The following SV2C variants were observed in gnomAD, a reference collection of about 807,000 sequenced individuals.
The protein encoded by SV2C is synaptic vesicle glycoprotein 2C.
A neutral mutation model predicts 79.7 loss-of-function variants in SV2C; 49 were observed. The ratio of observed to expected loss-of-function variants is 0.61; its 90% CI spans 0.49 to 0.78. The LOEUF is 0.78. Among genes scored for constraint, SV2C ranks in the 30% least tolerant of loss-of-function variants. SV2C has a pLI of 0.00. For synonymous variants in SV2C, 334 were observed against 333.2 expected (o/e 1.00, Z -0.03); for missense variants, 833 against 912.9 (o/e 0.91, Z 1.13).
chr5:75,998,159 G>A, the SV2C span, among the ~76,000 whole-genome samples: 31 of 152,132 alleles, frequency 2.0e-4, no homozygotes, highest in African/African-American at 7.5e-4. Flanking sequence ...CATGGACACA[G>A]GAAGGGGAAC....
chr5:75,863,509 T>C, the SV2C span, among the ~76,000 whole-genome samples: 1 of 152,212 alleles, frequency 6.6e-6, no homozygotes, highest in South Asian at 2.1e-4. Flanking sequence ...TAGAGGTAAA[T>C]ATCTTGTTAC....
At chr5:76,257,167 T>C (rs1561286140) in intron 4 of SV2C, among the ~76,000 whole-genome samples, 1 of 152,226 alleles carries the variant, frequency 6.6e-6, no homozygotes, top group Non-Finnish European at 1.5e-5. Flanking sequence ...TTATTAATCT[T>C]ATTAATTAAC....
intron 3 of SV2C, among the ~76,000 whole-genome samples, chr5:76,196,130 T>C (rs889829974): frequency 9.9e-5 from 15 of 152,186 alleles, no homozygotes; most frequent in Non-Finnish European, 4.4e-5. Flanking sequence ...AGAACACAGT[T>C]TTGTGAAAAG....
At chr5:76,197,278 C>T (rs958240781) in intron 3 of SV2C, among the ~76,000 whole-genome samples, 54 of 152,248 alleles carry the variant, frequency 3.5e-4, no homozygotes, top group South Asian at 2.1e-4. Flanking sequence ...TCCTTTGTTC[C>T]TCCTCACATA....
chr5:76,320,288 G>T (rs1214394918), intron 12 of SV2C, among the ~76,000 whole-genome samples: 1 of 152,136 alleles, frequency 6.6e-6, no homozygotes, highest in East Asian at 1.9e-4. Flanking sequence ...TCAGGGTTGT[G>T]GGGAGAGAGG....
chr5:75,985,387 G>C, the SV2C span, among the ~76,000 whole-genome samples: 4 of 151,922 alleles, frequency 2.6e-5, no homozygotes, highest in African/African-American at 9.7e-5. Context: ...TTAGCACAGA[G>C]AAACCGTATC....
At chr5:76,249,281 G>C (rs1290591944) in intron 4 of SV2C, among the ~76,000 whole-genome samples, 2 of 152,044 alleles carry the variant, frequency 1.3e-5, no homozygotes, top group Non-Finnish European at 2.9e-5. Context: ...ATGTTAAGTG[G>C]GTGGTTCTGT....
the SV2C span, among the ~76,000 whole-genome samples, chr5:76,001,914 C>G: frequency 1.3e-5 from 2 of 152,132 alleles, no homozygotes; most frequent in Non-Finnish European, 2.9e-5. Flanking sequence ...GCAGGGTACA[C>G]TGTACCCAAC....
the SV2C span, among the ~76,000 whole-genome samples, chr5:75,886,145 A>G: frequency 3.9e-5 from 6 of 152,194 alleles, no homozygotes; most frequent in East Asian, 1.2e-3. Context: ...CAAGCAAAGG[A>G]GATGAGACTC....
At chr5:76,254,621 A>G (rs1746214132) in intron 4 of SV2C, among the ~76,000 whole-genome samples, 2 of 152,230 alleles carry the variant, frequency 1.3e-5, no homozygotes, top group African/African-American at 4.8e-5. Context: ...TCTGAACCAT[A>G]ATTCAGATTT....
At chr5:75,915,182 A>G in the SV2C span, among the ~76,000 whole-genome samples, 5 of 152,162 alleles carry the variant, frequency 3.3e-5, no homozygotes, top group Admixed American at 6.5e-5. Context: ...CCATATCACC[A>G]TTTCACAAGT....
At chr5:76,022,661 C>A in the SV2C span, among the ~76,000 whole-genome samples, 1 of 152,098 alleles carries the variant, frequency 6.6e-6, no homozygotes, top group African/African-American at 2.4e-5. Context: ...TGTCTGCACC[C>A]GAAAATTCCC....
At chr5:75,918,782 A>G in the SV2C span, among the ~76,000 whole-genome samples, 4 of 152,260 alleles carry the variant, frequency 2.6e-5, no homozygotes, top group Non-Finnish European at 5.9e-5. Context: ...ACAAGAGGGA[A>G]GAAGAGTTAC....
At chr5:75,868,451 A>G in the SV2C span, among the ~76,000 whole-genome samples, 1 of 152,180 alleles carries the variant, frequency 6.6e-6, no homozygotes, top group African/African-American at 2.4e-5. Flanking sequence ...GGAGAGTGAG[A>G]CTAGAAGGAA....
intron 4 of SV2C, among the ~76,000 whole-genome samples, chr5:76,236,530 C>G (rs1745619071): frequency 6.6e-6 from 1 of 151,382 alleles, no homozygotes; most frequent in South Asian, 2.1e-4. Context: ...TCACTGCACT[C>G]CAGCCTGGGC....
intron 6 of SV2C, among the ~76,000 whole-genome samples, chr5:76,289,925 T>C (rs1280126332): frequency 6.6e-6 from 1 of 152,218 alleles, no homozygotes; most frequent in African/African-American, 2.4e-5. Context: ...AGTACTTTTT[T>C]TCGTTTTGTA....
the SV2C span, among the ~76,000 whole-genome samples, chr5:76,029,139 C>T: frequency 6.6e-6 from 1 of 152,130 alleles, no homozygotes; most frequent in Non-Finnish European, 1.5e-5. Context: ...TTATTATGCA[C>T]AATTTGATAT....
chr5:75,942,410 C>T, the SV2C span, among the ~76,000 whole-genome samples: 3 of 152,080 alleles, frequency 2.0e-5, no homozygotes, highest in Non-Finnish European at 2.9e-5. Context: ...GGTGGGAAGA[C>T]GTGATGGCTA....
intron 1 of SV2C, among the ~76,000 whole-genome samples, chr5:76,124,528 G>T (rs1243863936): frequency 6.6e-6 from 1 of 152,128 alleles, no homozygotes; most frequent in Non-Finnish European, 1.5e-5. Context: ...GGGCCAATGG[G>T]TTGCTTCCTT....
Sources: gnomAD v4.1 joint callset for allele counts (sites outside exome capture counted in the v4.1 genomes callset) on GRCh38, gnomAD v4.1.1 for gene constraint, MANE v1.5 for transcripts, NCBI Gene and HGNC (gene_info 2026-07-23, HGNC 2026-07-21) for gene names.